PEBP4: variants seen among roughly 807,000 people sequenced by gnomAD.
The protein encoded by PEBP4 is phosphatidylethanolamine binding protein 4, also known as phosphatidylethanolamine-binding protein 4.
Under a neutral mutation model 23.9 loss-of-function variants are expected in PEBP4, and 22 were observed. The observed-to-expected ratio is 0.92, with a 90% CI of 0.66 to 1.31. The LOEUF is 1.31. Among genes scored for constraint, PEBP4 ranks in the 40% most tolerant of loss-of-function variants. PEBP4 has a pLI of 0.00. For missense variants in PEBP4, 324 were observed against 281.7 expected, an observed-to-expected ratio of 1.15 and a Z score of -1.07; for synonymous variants, 112 against 99.3, an observed-to-expected ratio of 1.13 and a Z score of -0.76.
intron 2 of PEBP4, chr8:22,925,262 G>C (rs1470725412): frequency 8.1e-6 from 8 of 985,294 alleles, no homozygotes; most frequent in African/African-American, 1.7e-5. Context: ...CTCTTTCTCA[G>C]ACTGGGGGCC....
intron 3 of PEBP4, among the ~76,000 whole-genome samples, chr8:22,822,665 A>T (rs1396118579): frequency 6.6e-6 from 1 of 152,134 alleles, no homozygotes; most frequent in Admixed American, 6.5e-5. Flanking sequence ...TCTACATATT[A>T]ATAATAGTCC....
chr8:22,785,686 T>C (rs1465911064), intron 4 of PEBP4, among the ~76,000 whole-genome samples: 6 of 152,290 alleles, frequency 3.9e-5, no homozygotes, highest in Admixed American at 2.6e-4. Context: ...AGATCCTCCC[T>C]GAGCCTGAGT....
chr8:22,858,231 C>T (rs1245298517), intron 3 of PEBP4, among the ~76,000 whole-genome samples: 3 of 152,096 alleles, frequency 2.0e-5, no homozygotes, highest in Non-Finnish European at 4.4e-5. Flanking sequence ...TGCATTTCTT[C>T]TTAAGTTCCT....
At chr8:22,726,901 T>C (rs1424125396) in intron 5 of PEBP4, among the ~76,000 whole-genome samples, 1 of 152,204 alleles carries the variant, frequency 6.6e-6, no homozygotes, top group Non-Finnish European at 1.5e-5. Context: ...ACAAGCAGCC[T>C]CCAGTCAGAT....
intron 3 of PEBP4, among the ~76,000 whole-genome samples, chr8:22,857,338 G>A (rs961641007): frequency 1.3e-5 from 2 of 151,858 alleles, no homozygotes; most frequent in South Asian, 2.1e-4. Flanking sequence ...TATACCATAC[G>A]GGGCTCCATC....
intron 4 of PEBP4, among the ~76,000 whole-genome samples, chr8:22,755,429 G>A (rs775496995): frequency 4.8e-5 from 7 of 146,866 alleles, no homozygotes; most frequent in Non-Finnish European, 7.4e-5. Context: ...TCTGCTTTCC[G>A]GGTTCAAGCG....
chr8:22,795,610 G>T (rs903781800), intron 4 of PEBP4, among the ~76,000 whole-genome samples: 1 of 152,102 alleles, frequency 6.6e-6, no homozygotes, highest in Non-Finnish European at 1.5e-5. Context: ...ATCACCTTAA[G>T]GTCCAATAAA....
intron 4 of PEBP4, among the ~76,000 whole-genome samples, chr8:22,770,716 C>A (rs1032079463): frequency 1.3e-5 from 2 of 152,256 alleles, no homozygotes; most frequent in African/African-American, 4.8e-5. Flanking sequence ...CTCCATCCCA[C>A]CTCTCCTTGA....
At chr8:22,793,425 C>T (rs1585275505) in intron 4 of PEBP4, among the ~76,000 whole-genome samples, 1 of 142,548 alleles carries the variant, frequency 7.0e-6, no homozygotes, top group Non-Finnish European at 1.5e-5. Context: ...CACCACCACG[C>T]CCAGCTCATT....
intron 4 of PEBP4, among the ~76,000 whole-genome samples, chr8:22,804,024 T>C (rs948241255): frequency 6.6e-6 from 1 of 152,156 alleles, no homozygotes; most frequent in Admixed American, 6.5e-5. Flanking sequence ...GCTAGATAGA[T>C]CTTTTAAAAG....
chr8:22,931,073 C>G (rs1037751719), upstream of PEBP4, among the ~76,000 whole-genome samples: 1 of 152,170 alleles, frequency 6.6e-6, no homozygotes, highest in African/African-American at 2.4e-5. Flanking sequence ...GTGCCTGACA[C>G]CCTCCAATCA....
chr8:22,776,996 C>T (rs1479947195), intron 4 of PEBP4, among the ~76,000 whole-genome samples: 2 of 151,712 alleles, frequency 1.3e-5, no homozygotes, highest in Non-Finnish European at 1.5e-5. Context: ...GGAAGGGCAC[C>T]GATCAGAATG....
intron 4 of PEBP4, among the ~76,000 whole-genome samples, chr8:22,741,729 G>A (rs891954611): frequency 3.3e-5 from 5 of 152,172 alleles, no homozygotes; most frequent in Non-Finnish European, 7.4e-5. Flanking sequence ...AACCCTGACT[G>A]TCTTGGAAGC....
At chr8:22,809,439 G>A (rs757342417) in intron 4 of PEBP4, among the ~76,000 whole-genome samples, 23 of 152,218 alleles carry the variant, frequency 1.5e-4, no homozygotes, top group African/African-American at 5.3e-4. Flanking sequence ...CCCCACACAT[G>A]GCCACAATAT....
intron 4 of PEBP4, among the ~76,000 whole-genome samples, chr8:22,785,725 C>A (rs1295749552): frequency 6.6e-6 from 1 of 152,196 alleles, no homozygotes; most frequent in Non-Finnish European, 1.5e-5. Flanking sequence ...CAACAGCGAC[C>A]ACTCCAGGTC....
chr8:22,781,023 AAGC>A (rs1805903606), intron 4 of PEBP4, among the ~76,000 whole-genome samples: 1 of 152,232 alleles, frequency 6.6e-6, no homozygotes, highest in South Asian at 2.1e-4. Flanking sequence ...CGCAGTTAGC[AAGC>A]AGCAGCGTCC....
intron 3 of PEBP4, among the ~76,000 whole-genome samples, chr8:22,849,344 C>A (rs1412666836): frequency 6.6e-6 from 1 of 152,092 alleles, no homozygotes; most frequent in African/African-American, 2.4e-5. Flanking sequence ...GCATCTAAGA[C>A]CTGGTTCTTG....
At chr8:22,898,631 C>T (rs540036958) in intron 3 of PEBP4, among the ~76,000 whole-genome samples, 41 of 152,162 alleles carry the variant, frequency 2.7e-4, no homozygotes, top group African/African-American at 5.6e-4. Flanking sequence ...GTTCCCCTCA[C>T]GCCCTGCACA....
intron 6 of PEBP4, among the ~76,000 whole-genome samples, chr8:22,720,115 G>A (rs755410560): frequency 1.3e-5 from 2 of 152,236 alleles, no homozygotes; most frequent in Non-Finnish European, 2.9e-5. Context: ...AGGCAGAGGT[G>A]AGCGCTTCTC....
Sources: gnomAD v4.1 joint callset for allele counts (sites outside exome capture counted in the v4.1 genomes callset) on GRCh38, gnomAD v4.1.1 for gene constraint, MANE v1.5 for transcripts, NCBI Gene and HGNC (gene_info 2026-07-23, HGNC 2026-07-21) for gene names.